The following OSBP2 variants were observed in gnomAD, a reference collection of about 807,000 sequenced individuals.
OSBP2 encodes oxysterol-binding protein 2.
Under a neutral mutation model 96.0 loss-of-function variants are expected in OSBP2, and 66 were observed. The observed-to-expected ratio is 0.69, with a 90% CI of 0.56 to 0.84. OSBP2 has a LOEUF of 0.84. OSBP2 is among the 40% of genes least tolerant of loss of function. The pLI, the probability that OSBP2 is intolerant of heterozygous loss-of-function variation, is 0.00. For synonymous variants in OSBP2, 525 were observed against 520.9 expected, an observed-to-expected ratio of 1.01 and a Z score of -0.11; for missense variants, 1,038 against 1,222.7, an observed-to-expected ratio of 0.85 and a Z score of 2.25.
At chr22:30,817,707 A>G (rs2146970291) in intron 2 of OSBP2, among the ~76,000 whole-genome samples, 1 of 152,302 alleles carries the variant, frequency 6.6e-6, no homozygotes, top group South Asian at 2.1e-4. Context: ...ATTCCCATGC[A>G]CCTACCATGT....
At chr22:30,778,845 G>A (rs2145803545) in intron 2 of OSBP2, among the ~76,000 whole-genome samples, 1 of 151,912 alleles carries the variant, frequency 6.6e-6, no homozygotes, top group South Asian at 2.1e-4. Flanking sequence ...AGAGCAGCCT[G>A]GCCAACAAGG....
intron 2 of OSBP2, among the ~76,000 whole-genome samples, chr22:30,761,578 C>A (rs1286543270): frequency 1.3e-5 from 2 of 152,074 alleles, no homozygotes; most frequent in African/African-American, 4.8e-5. Context: ...TCAGCATAGA[C>A]AAACTTATTA....
intron 7 of OSBP2, 54 bp downstream of exon 7, chr22:30,889,690 T>C (rs976610097): frequency 7.0e-6 from 11 of 1,572,644 alleles, no homozygotes; most frequent in African/African-American, 1.3e-5. Flanking sequence ...TGCTTTCCTG[T>C]GCGTGGATGA....
chr22:30,891,125 C>A lies in OSBP2; in HGVS notation c.1869+152C>A. ...ATCAAGCTGAGGTCCAGCCAGGGAG[C>A]AGGGCCTTCCATGGCAGGGGCAGGC... On this transcript the variant is annotated intron_variant, in intron 8 of 13. Transcript: ENST00000332585. The A allele has an allele frequency of 5.3e-6, 5 of 949,112 alleles. No homozygotes were observed. In the South Asian group the frequency reaches 6.7e-5, roughly 13 times the overall value. The allele number at this position is 949,112 out of a possible 1,614,324, so 58.8% of individuals were successfully genotyped here.
At chr22:30,777,691 T>C (rs555491931) in intron 2 of OSBP2, among the ~76,000 whole-genome samples, 1 of 152,230 alleles carries the variant, frequency 6.6e-6, no homozygotes, top group Admixed American at 6.5e-5. Flanking sequence ...AAAAATGCCA[T>C]AGTGCCCACA....
chr22:30,870,399 TG>T lies in OSBP2; in HGVS notation c.854-29del. 6.2e-7 allele frequency: 1 copy of T among 1,611,448 alleles called. No homozygotes were observed. On this transcript the variant is annotated intron_variant, in intron 2 of 13. Transcript: ENST00000332585. The surrounding 1 kb of genome is among the most constrained non-coding windows in gnomAD (Gnocchi z 4.1). The stretch of plus-strand genomic sequence containing the variant: ...CTCTTGGTACCACGTCTGTTCGTAA[TG>T]ACCGTAACAACTCTATTTTCTTCCA...
At chr22:30,851,292 G>A (rs1159179549) in intron 2 of OSBP2, among the ~76,000 whole-genome samples, 6 of 151,888 alleles carry the variant, frequency 4.0e-5, no homozygotes, top group Non-Finnish European at 8.8e-5. Context: ...CTTGTCTCAA[G>A]CCCTGACCTC....
At chr22:30,718,803 G>T (rs1326751137) in intron 1 of OSBP2, among the ~76,000 whole-genome samples, 1 of 152,112 alleles carries the variant, frequency 6.6e-6, no homozygotes, top group Non-Finnish European at 1.5e-5. Context: ...CTGGGCCCTT[G>T]CTCCTGAGCC....
At chr22:30,772,393 C>T (rs1404920012) in intron 2 of OSBP2, among the ~76,000 whole-genome samples, 1 of 152,200 alleles carries the variant, frequency 6.6e-6, no homozygotes, top group Admixed American at 6.5e-5. Context: ...GACCTGCAGC[C>T]ACAAATGAGC....
intron 1 of OSBP2, among the ~76,000 whole-genome samples, chr22:30,726,120 A>C (rs186872423): frequency 6.6e-6 from 1 of 152,166 alleles, no homozygotes; most frequent in South Asian, 2.1e-4. Context: ...GTGAAGTGCT[A>C]CATAGATGAA....
At chr22:30,896,545 A>G (rs2040072010) in intron 12 of OSBP2, among the ~76,000 whole-genome samples, 1 of 152,286 alleles carries the variant, frequency 6.6e-6, no homozygotes, top group Non-Finnish European at 1.5e-5. Context: ...AACAAAAACT[A>G]TAAATTAACA....
intron 2 of OSBP2, among the ~76,000 whole-genome samples, chr22:30,864,230 C>T (rs2039283111): frequency 6.6e-6 from 1 of 152,158 alleles, no homozygotes; most frequent in Non-Finnish European, 1.5e-5. Context: ...CCGCAGCCTC[C>T]CAAAGTGCTG....
intron 12 of OSBP2, among the ~76,000 whole-genome samples, chr22:30,898,886 A>G (rs1201274068): frequency 6.7e-6 from 1 of 149,996 alleles, no homozygotes; most frequent in African/African-American, 2.4e-5. Flanking sequence ...AATAATAATA[A>G]TAAAAGCAGA....
chr22:30,906,215 A>G lies in OSBP2; in HGVS notation c.2627A>G (p.Tyr876Cys). 1 of 1,614,154 alleles carries G rather than the reference A, an allele frequency of 6.2e-7. No homozygotes were observed. Among genetic ancestry groups the G allele is most frequent in the Non-Finnish European group, 8.5e-7 (1 of 1,180,036 alleles). The change falls in exon 14 of 14, where the codon TAC becomes TGC. Residue 876 changes from tyrosine (Y) to cysteine (C), a missense_variant. Tyr to Cys is a radical substitution (Grantham distance 194). Around this residue, in one of 3 missense-constraint regions of OSBP2, gnomAD observed 737 missense variants for 913.3 expected, o/e 0.81. Transcript: ENST00000332585. The part of the protein sequence containing the change: ...SSEEEKEADA[Y>C]TPLWFEKRLD... ...CCAGCAGAGAAGGAGGCGGATGCCT[A>G]CACGCCACTGTGGTTTGAGAAGAGG...
chr22:30,700,919 G>A (rs1457847063), intron 1 of OSBP2, among the ~76,000 whole-genome samples: 1 of 150,654 alleles, frequency 6.6e-6, no homozygotes, highest in African/African-American at 2.4e-5. Flanking sequence ...AACCCACCCC[G>A]TCTTTACTAT....
chr22:30,790,309 G>T (rs776671944), intron 2 of OSBP2, among the ~76,000 whole-genome samples: 3 of 152,066 alleles, frequency 2.0e-5, no homozygotes, highest in South Asian at 2.1e-4. Context: ...AAGGAGGGGG[G>T]GGCGGGGAAA....
At chr22:30,898,914 A>C (rs951089758) in intron 12 of OSBP2, among the ~76,000 whole-genome samples, 3 of 151,308 alleles carry the variant, frequency 2.0e-5, no homozygotes, top group Admixed American at 2.0e-4. Flanking sequence ...TAAAAAAACA[A>C]AGCCAAAAGT....
intron 2 of OSBP2, among the ~76,000 whole-genome samples, chr22:30,868,378 C>T (rs908961025): frequency 4.6e-5 from 7 of 152,250 alleles, no homozygotes; most frequent in East Asian, 1.9e-4. Context: ...CAACAGCTTA[C>T]GGAGCCAGTG....
At chr22:30,782,468 G>A (rs1225950334) in intron 2 of OSBP2, among the ~76,000 whole-genome samples, 4 of 152,122 alleles carry the variant, frequency 2.6e-5, no homozygotes, top group Non-Finnish European at 5.9e-5. Context: ...GATTACAGGC[G>A]TGAGCCACTG....
Sources: gnomAD v4.1 joint callset for allele counts (sites outside exome capture counted in the v4.1 genomes callset) on GRCh38, gnomAD v4.1.1 for gene constraint, gnomAD v4.1.1 regional missense constraint, Gnocchi (gnomAD v3.1) non-coding constraint, MANE v1.5 for transcripts, NCBI Gene and HGNC (gene_info 2026-07-23, HGNC 2026-07-21) for gene names.